The following BCAS4 variants were observed in gnomAD, a reference collection of about 807,000 sequenced individuals.
The protein encoded by BCAS4 is breast carcinoma amplified sequence 4.
In BCAS4, 9 loss-of-function variants were observed where a neutral mutation model predicts 15.7. That is an observed-to-expected ratio of 0.57 (90% confidence interval 0.34 to 1.00). The LOEUF is 1.00. Among genes scored for constraint, BCAS4 ranks in the 50% least tolerant of loss-of-function variants. The pLI, the probability that BCAS4 is intolerant of heterozygous loss-of-function variation, is 0.02. For synonymous variants in BCAS4, 101 were observed against 99.5 expected, an observed-to-expected ratio of 1.02 and a Z score of -0.09; for missense variants, 225 against 239.1, an observed-to-expected ratio of 0.94 and a Z score of 0.39.
intron 1 of BCAS4, among the ~76,000 whole-genome samples, chr20:50,817,386 A>G (rs752065238): frequency 7.2e-5 from 11 of 152,220 alleles, no homozygotes; most frequent in Non-Finnish European, 1.2e-4. Flanking sequence ...TCAGATAAAC[A>G]ACAAATTTTT....
intron 4 of BCAS4, among the ~76,000 whole-genome samples, chr20:50,866,327 G>A (rs1202828530): frequency 6.6e-6 from 1 of 152,178 alleles, no homozygotes; most frequent in Non-Finnish European, 1.5e-5. Flanking sequence ...GCCTTGGCCT[G>A]GTGGTGTGAG....
chr20:50,866,180 T>C (rs1010082070), intron 4 of BCAS4, among the ~76,000 whole-genome samples: 1 of 152,240 alleles, frequency 6.6e-6, no homozygotes, highest in African/African-American at 2.4e-5. Flanking sequence ...TCACGGCTCT[T>C]GTAAGCACTG....
At chr20:50,837,800 C>T (rs540857651) in intron 3 of BCAS4, among the ~76,000 whole-genome samples, 1 of 152,244 alleles carries the variant, frequency 6.6e-6, no homozygotes, top group Non-Finnish European at 1.5e-5. Flanking sequence ...GCCTCACACT[C>T]TCCACCAGAT....
chr20:50,852,268 G>C (rs952465619), intron 4 of BCAS4, among the ~76,000 whole-genome samples: 1 of 152,326 alleles, frequency 6.6e-6, no homozygotes, highest in Admixed American at 6.5e-5. Context: ...GTGATGCAGA[G>C]AGGCCAGGTT....
chr20:50,795,276 G>A (rs1352170457), intron 1 of BCAS4, 103 bp downstream of exon 1: 1 of 1,079,236 alleles, frequency 9.3e-7, no homozygotes, highest in Non-Finnish European at 1.2e-6. Flanking sequence ...TCCCGGAGTG[G>A]GGGGCCCGGG....
At chr20:50,854,353 A>G (rs1451906363) in intron 4 of BCAS4, among the ~76,000 whole-genome samples, 1 of 152,132 alleles carries the variant, frequency 6.6e-6, no homozygotes, top group Non-Finnish European at 1.5e-5. Context: ...ATGTAGCAGT[A>G]TTCTGATGTG....
chr20:50,874,721 A>G (rs1979836709), intron 4 of BCAS4, among the ~76,000 whole-genome samples: 1 of 152,128 alleles, frequency 6.6e-6, no homozygotes, highest in Non-Finnish European at 1.5e-5. Context: ...CACTGGGGTC[A>G]TGGTGTCAAG....
At chr20:50,869,347 TGGTGGGGCTGTG>T (rs1285877539) in intron 4 of BCAS4, among the ~76,000 whole-genome samples, 2 of 152,142 alleles carry the variant, frequency 1.3e-5, no homozygotes, top group African/African-American at 4.8e-5. Flanking sequence ...GCCCAGGCTC[TGGTGGGGCTGTG>T]GGTGGCTGGG....
intron 4 of BCAS4, among the ~76,000 whole-genome samples, chr20:50,874,496 C>T (rs1031046807): frequency 1.3e-5 from 2 of 152,234 alleles, no homozygotes; most frequent in African/African-American, 2.4e-5. Context: ...CATCAGCCCG[C>T]ATCATAGGGT....
At chr20:50,804,184 G>C (rs1461516733) in intron 1 of BCAS4, among the ~76,000 whole-genome samples, 1 of 152,030 alleles carries the variant, frequency 6.6e-6, no homozygotes, top group South Asian at 2.1e-4. Flanking sequence ...GATTACAGGC[G>C]CCTGCCACCA....
At chr20:50,867,054 T>C (rs1025859657) in intron 4 of BCAS4, among the ~76,000 whole-genome samples, 8 of 152,148 alleles carry the variant, frequency 5.3e-5, no homozygotes, top group Admixed American at 2.6e-4. Context: ...AAAAAAATTA[T>C]AGAATTAGAG....
intron 1 of BCAS4, among the ~76,000 whole-genome samples, chr20:50,807,618 A>G (rs1468515584): frequency 6.6e-6 from 1 of 152,262 alleles, no homozygotes; most frequent in East Asian, 1.9e-4. Flanking sequence ...TCACCTAAAT[A>G]GAGTACATGG....
chr20:50,828,649 C>T (rs1294464341), intron 2 of BCAS4, among the ~76,000 whole-genome samples: 1 of 151,998 alleles, frequency 6.6e-6, no homozygotes, highest in Non-Finnish European at 1.5e-5. Context: ...CATGGTGGTG[C>T]GTGCCTGTGG....
At position 50,859,311 on chromosome 20, in the gene BCAS4, G is replaced by A. The variant is rs968289543; in HGVS notation, c.400-17175G>A. On this transcript the variant is annotated intron_variant, in intron 4 of 4. Coordinates refer to ENST00000371608, the MANE Select transcript of BCAS4 (RefSeq NM_198799.4). ...GTGGAACCCACGGATGTGGAGGGCC[G>A]ACTGCACTTATCTTTGAACCACCTG... Among the ~76,000 whole-genome samples, 11 of 152,276 alleles carry A rather than the reference G, an allele frequency of 7.2e-5. No individual in the cohort carries two copies. In the East Asian group the frequency reaches 7.7e-4, roughly 11 times the overall value.
At chr20:50,845,924 A>T (rs552883959) in intron 4 of BCAS4, among the ~76,000 whole-genome samples, 24 of 152,346 alleles carry the variant, frequency 1.6e-4, no homozygotes, top group East Asian at 9.7e-4. Flanking sequence ...GCTGGTGTGG[A>T]CATTGCCTGT....
intron 4 of BCAS4, among the ~76,000 whole-genome samples, chr20:50,865,986 CCAGGACCTAGGGGA>C (rs1354532997): frequency 6.6e-6 from 1 of 152,160 alleles, no homozygotes; most frequent in Non-Finnish European, 1.5e-5. Context: ...AGCAGGGCAC[CCAGGACCTAGGGGA>C]CAGGACCTGG....
intron 2 of BCAS4, among the ~76,000 whole-genome samples, chr20:50,829,803 T>C (rs989498906): frequency 2.0e-5 from 3 of 152,006 alleles, no homozygotes; most frequent in African/African-American, 7.3e-5. Flanking sequence ...AGGAAGTACT[T>C]AGGACAGTGC....
chr20:50,875,896 C>G (rs967804930), intron 4 of BCAS4: 6 of 454,540 alleles, frequency 1.3e-5, no homozygotes, highest in Non-Finnish European at 2.7e-5. Flanking sequence ...CATGTCTACC[C>G]TTCTCACCTT....
rs950228679 is a variant in BCAS4 at position 50,845,048 on chromosome 20, A to T, written c.399+3148A>T. On this transcript the variant is annotated intron_variant, in intron 4 of 4. Coordinates refer to ENST00000371608, the MANE Select transcript of BCAS4 (RefSeq NM_198799.4). ...GAGCTGGAGGGGCCCTTGCAGAATG[A>T]TGATCATCACCGCTGGTGTTGGGGC... 5.9e-5 allele frequency among the ~76,000 whole-genome samples: 9 copies of T among 152,132 alleles called. 1 individual carries two copies. In the East Asian group the frequency reaches 1.5e-3, roughly 26 times the overall value.
Sources: allele counts gnomAD v4.1 joint callset (sites outside exome capture counted in the v4.1 genomes callset), GRCh38; gene constraint gnomAD v4.1.1; transcripts MANE v1.5; gene names NCBI Gene and HGNC (gene_info 2026-07-23, HGNC 2026-07-21).